PIK3CB: variants seen among roughly 807,000 people sequenced by gnomAD.
PIK3CB encodes the protein phosphatidylinositol-4,5-bisphosphate 3-kinase catalytic subunit beta.
In PIK3CB, 39 loss-of-function variants were observed where a neutral mutation model predicts 136.8. The observed-to-expected ratio is 0.29, with a 90% CI of 0.22 to 0.37. PIK3CB has a LOEUF of 0.37. Among genes scored for constraint, PIK3CB ranks in the 10% least tolerant of loss-of-function variants. The pLI is 1.00. For synonymous variants in PIK3CB, 428 were observed against 436.6 expected (o/e 0.98, Z 0.25); for missense variants, 868 against 1,275.4 (o/e 0.68, Z 4.87).
intron 2 of PIK3CB, among the ~76,000 whole-genome samples, chr3:138,779,155 G>A (rs1175878144): frequency 4.0e-5 from 6 of 148,308 alleles, no homozygotes; most frequent in African/African-American, 1.0e-4. Context: ...GCATGATCTC[G>A]GCATACTGCA....
At chr3:138,777,490 G>A (rs1391782770) in intron 2 of PIK3CB, among the ~76,000 whole-genome samples, 2 of 152,172 alleles carry the variant, frequency 1.3e-5, no homozygotes, top group East Asian at 1.9e-4. Flanking sequence ...CCAAACTTCT[G>A]AGTGAAGAAG....
Position 138,654,619 on chromosome 3 carries a change from C to T in PIK3CB, c.*770G>A, listed in dbSNP as rs2043162173. 6 of 226,992 alleles carry T rather than the reference C, an allele frequency of 2.6e-5. No individual in the cohort carries two copies. The East Asian group carries it at 3.8e-4, about 14-fold the overall frequency. 14.1% of individuals were successfully genotyped at this position (226,992 alleles called of 1,614,324 possible). Reference sequence around the variant, plus strand: ...ATAGAAGCAGCTGGAAGAACTGGATCACACAGTTACCTAACTGAAAAGTAA... The same window carrying T: ...ATAGAAGCAGCTGGAAGAACTGGATTACACAGTTACCTAACTGAAAAGTAA... On this transcript the variant is annotated 3_prime_UTR_variant, in exon 24 of 24. Coordinates refer to ENST00000674063, the MANE Select transcript of PIK3CB (RefSeq NM_006219.3).
intron 11 of PIK3CB, among the ~76,000 whole-genome samples, chr3:138,705,201 AC>A (rs2044354616): frequency 1.5e-4 from 22 of 142,266 alleles, no homozygotes; most frequent in African/African-American, 4.1e-4. Flanking sequence ...AAAAAAAAAA[AC>A]TTATATTTGC....
chr3:138,692,702 C>T (rs2044034160), intron 14 of PIK3CB, among the ~76,000 whole-genome samples: 1 of 152,272 alleles, frequency 6.6e-6, no homozygotes, highest in East Asian at 1.9e-4. Context: ...CAGCTTAAAA[C>T]ATACACGATT....
intron 2 of PIK3CB, among the ~76,000 whole-genome samples, chr3:138,761,495 G>C (rs1218456770): frequency 6.6e-6 from 1 of 152,226 alleles, no homozygotes; most frequent in Non-Finnish European, 1.5e-5. Flanking sequence ...ATCTTAGCCA[G>C]GCACTGTGGC....
At chr3:138,779,318 C>A (rs2045897072) in intron 2 of PIK3CB, among the ~76,000 whole-genome samples, 1 of 151,294 alleles carries the variant, frequency 6.6e-6, no homozygotes, top group African/African-American at 2.4e-5. Context: ...GATCTCCTGA[C>A]CTCATGATCT....
intron 21 of PIK3CB, among the ~76,000 whole-genome samples, chr3:138,660,485 TTGGTTTCTATCTTTCA>T (rs2043277069): frequency 6.6e-6 from 1 of 152,188 alleles, no homozygotes; most frequent in South Asian, 2.1e-4. Flanking sequence ...TTTTGCTTAT[TTGGTTTCTATCTTTCA>T]TGGTAGAGGT....
At chr3:138,821,233 G>A (rs978366395) in intron 1 of PIK3CB, among the ~76,000 whole-genome samples, 6 of 150,724 alleles carry the variant, frequency 4.0e-5, no homozygotes, top group South Asian at 4.2e-4. Context: ...GCAGTGTGCC[G>A]AGATTGTGCC....
intron 2 of PIK3CB, among the ~76,000 whole-genome samples, chr3:138,780,490 C>T (rs1450290198): frequency 1.3e-5 from 2 of 151,664 alleles, no homozygotes; most frequent in Non-Finnish European, 2.9e-5. Flanking sequence ...ACAATGGTTT[C>T]GATCTCTTGA....
chr3:138,717,836 C>G lies in PIK3CB; in HGVS notation c.1051-3117G>C, dbSNP rs181459502. ...GTTTGCTAAGGATAATAGCCTCCAG[C>G]TCCACCCATGTTCCCTAAAGACATG... On this transcript the variant is annotated intron_variant, in intron 8 of 23. Transcript: ENST00000674063. Among the ~76,000 whole-genome samples the G allele has an allele frequency of 5.9e-5, 9 of 152,290 alleles. No individual in the cohort carries two copies. The East Asian group carries it at 1.7e-3, about 29-fold the overall frequency.
intron 2 of PIK3CB, among the ~76,000 whole-genome samples, chr3:138,767,816 G>A (rs1461061955): frequency 6.6e-6 from 1 of 152,184 alleles, no homozygotes; most frequent in East Asian, 1.9e-4. Context: ...CCGGAAGCTT[G>A]GAGATGTCAG....
intron 16 of PIK3CB, among the ~76,000 whole-genome samples, chr3:138,686,970 A>G (rs772852400): frequency 2.0e-4 from 30 of 152,190 alleles, no homozygotes; most frequent in Non-Finnish European, 3.8e-4. Flanking sequence ...GCAACCAGAT[A>G]AAAACTGGGC....
chr3:138,773,278 C>G (rs893525632), intron 2 of PIK3CB, among the ~76,000 whole-genome samples: 1 of 151,908 alleles, frequency 6.6e-6, no homozygotes, highest in Non-Finnish European at 1.5e-5. Context: ...AGGCGCCCAC[C>G]TACTTGGGAG....
At chr3:138,676,624 A>T (rs1299302555) in intron 19 of PIK3CB, among the ~76,000 whole-genome samples, 3 of 152,256 alleles carry the variant, frequency 2.0e-5, no homozygotes, top group Admixed American at 6.5e-5. Flanking sequence ...TGATGTATGG[A>T]TAAATAAAAT....
chr3:138,826,160 T>C (rs1253134445), intron 1 of PIK3CB: 9 of 1,071,160 alleles, frequency 8.4e-6, no homozygotes, highest in Non-Finnish European at 9.8e-6. Flanking sequence ...ATATGGTTCC[T>C]GACAAGCCGA....
chr3:138,796,428 T>C (rs1454283663), intron 2 of PIK3CB, 35 bp downstream of exon 2: 3 of 145,576 alleles, frequency 2.1e-5, no homozygotes, highest in Admixed American at 6.8e-5. Flanking sequence ...CTAACCAATA[T>C]ATAAGTAATT....
chr3:138,729,152 G>A (rs1208816007), intron 8 of PIK3CB, among the ~76,000 whole-genome samples: 1 of 151,990 alleles, frequency 6.6e-6, no homozygotes, highest in Non-Finnish European at 1.5e-5. Flanking sequence ...GTGGTGGCAG[G>A]TGCCTATAAT....
intron 2 of PIK3CB, among the ~76,000 whole-genome samples, chr3:138,772,312 C>T (rs534161878): frequency 6.6e-5 from 10 of 152,172 alleles, no homozygotes; most frequent in African/African-American, 2.2e-4. Context: ...ATAAATGTTT[C>T]TTTTATTCAA....
chr3:138,679,748 A>AATT (rs59677449), intron 19 of PIK3CB, among the ~76,000 whole-genome samples: 58,538 of 141,258 alleles, frequency 0.41, 13,656 homozygotes, highest in East Asian at 0.86. Context: ...ATGCCTGGCT[A>AATT]ATTATTATTA....
Sources: gnomAD v4.1 joint callset for allele counts (sites outside exome capture counted in the v4.1 genomes callset) on GRCh38, gnomAD v4.1.1 for gene constraint, MANE v1.5 for transcripts, NCBI Gene and HGNC (gene_info 2026-07-23, HGNC 2026-07-21) for gene names.